Variants in SLC25A21 observed in about 807,000 individuals in gnomAD.
SLC25A21 encodes the protein solute carrier family 25 member 21, also known as mitochondrial 2-oxodicarboxylate carrier.
A neutral mutation model predicts 43.8 loss-of-function variants in SLC25A21; 47 were observed. That is an observed-to-expected ratio of 1.07 (90% CI 0.85 to 1.37). The LOEUF is 1.37. Among genes scored for constraint, SLC25A21 ranks in the 40% most tolerant of loss-of-function variants. The pLI is 0.00. For missense variants in SLC25A21, 352 were observed against 350.2 expected, an observed-to-expected ratio of 1.00 and a Z score of -0.04; for synonymous variants, 131 against 121.3, an observed-to-expected ratio of 1.08 and a Z score of -0.52.
At chr14:36,739,572 G>A (rs1019352993) in intron 3 of SLC25A21, among the ~76,000 whole-genome samples, 3 of 152,032 alleles carry the variant, frequency 2.0e-5, no homozygotes, top group African/African-American at 4.8e-5. Flanking sequence ...CAGCTACTCG[G>A]GAGGCTGAAG....
intron 1 of SLC25A21, among the ~76,000 whole-genome samples, chr14:36,927,085 G>A (rs986837804): frequency 8.5e-4 from 130 of 152,238 alleles, no homozygotes; most frequent in African/African-American, 2.9e-3. Context: ...CACAAGAGTC[G>A]CTTGAACCTG....
At chr14:36,736,296 C>A (rs957103585) in intron 3 of SLC25A21, among the ~76,000 whole-genome samples, 3 of 152,130 alleles carry the variant, frequency 2.0e-5, no homozygotes, top group Non-Finnish European at 4.4e-5. Context: ...AAAGCAGATA[C>A]ATGATTTGGA....
intron 1 of SLC25A21, among the ~76,000 whole-genome samples, chr14:36,899,654 T>C (rs949106071): frequency 6.6e-6 from 1 of 152,162 alleles, no homozygotes; most frequent in Non-Finnish European, 1.5e-5. Context: ...AGATTTAAAC[T>C]CACTGTGGAA....
chr14:37,118,205 C>T (rs1963141118), intron 1 of SLC25A21, among the ~76,000 whole-genome samples: 1 of 152,132 alleles, frequency 6.6e-6, no homozygotes, highest in Non-Finnish European at 1.5e-5. Flanking sequence ...ATTGTTAGAA[C>T]CTAAGAATGG....
At chr14:36,745,800 A>G (rs1256574855) in intron 3 of SLC25A21, among the ~76,000 whole-genome samples, 1 of 152,066 alleles carries the variant, frequency 6.6e-6, no homozygotes, top group Non-Finnish European at 1.5e-5. Flanking sequence ...AAGTTGCACG[A>G]ATAGGCATTT....
chr14:36,715,840 T>A (rs538995418), intron 6 of SLC25A21, among the ~76,000 whole-genome samples: 4 of 152,322 alleles, frequency 2.6e-5, no homozygotes, highest in African/African-American at 9.6e-5. Flanking sequence ...ATACCTGTAA[T>A]TCCAGCACTT....
At chr14:36,896,124 A>G (rs28883672) in intron 1 of SLC25A21, among the ~76,000 whole-genome samples, 2,467 of 152,192 alleles carry the variant, frequency 0.016, 70 homozygotes, top group African/African-American at 0.056. Flanking sequence ...TGATCTGTCT[A>G]ATGTTGACAG....
At chr14:37,171,492 G>A (rs559195153) in intron 1 of SLC25A21, among the ~76,000 whole-genome samples, 59 of 151,980 alleles carry the variant, frequency 3.9e-4, no homozygotes, top group East Asian at 2.1e-3. Flanking sequence ...AGCCAATTAT[G>A]GCAATTATTT....
At chr14:37,165,153 G>C (rs1260318916) in intron 1 of SLC25A21, among the ~76,000 whole-genome samples, 1 of 152,190 alleles carries the variant, frequency 6.6e-6, no homozygotes, top group Non-Finnish European at 1.5e-5. Flanking sequence ...GTGGCGGGCG[G>C]ATCACTTGAG....
intron 1 of SLC25A21, among the ~76,000 whole-genome samples, chr14:37,169,250 G>C (rs1594356732): frequency 6.6e-6 from 1 of 152,004 alleles, no homozygotes; most frequent in Non-Finnish European, 1.5e-5. Context: ...GACTGCATTT[G>C]GGCCTGCTTA....
intron 2 of SLC25A21, among the ~76,000 whole-genome samples, chr14:36,826,356 C>T (rs1448053621): frequency 6.6e-6 from 1 of 152,128 alleles, no homozygotes; most frequent in African/African-American, 2.4e-5. Context: ...CTAATTGCCT[C>T]ACATTACTTT....
At chr14:36,845,511 A>T (rs1476676185) in intron 2 of SLC25A21, among the ~76,000 whole-genome samples, 3 of 152,268 alleles carry the variant, frequency 2.0e-5, no homozygotes, top group Admixed American at 2.0e-4. Context: ...AAAAGTTCTT[A>T]CTTACACACA....
At chr14:36,729,274 C>T (rs956748689) in intron 5 of SLC25A21, among the ~76,000 whole-genome samples, 2 of 152,142 alleles carry the variant, frequency 1.3e-5, no homozygotes, top group East Asian at 3.8e-4. Context: ...TTGACCATAT[C>T]TCATATGGGG....
chr14:36,803,579 C>A (rs1038426295), intron 3 of SLC25A21, among the ~76,000 whole-genome samples: 3 of 152,034 alleles, frequency 2.0e-5, no homozygotes, highest in African/African-American at 4.8e-5. Context: ...TAAGAGTTTC[C>A]AAAATGTATC....
chr14:36,780,760 G>A (rs1436018626), intron 3 of SLC25A21, among the ~76,000 whole-genome samples: 1 of 152,016 alleles, frequency 6.6e-6, no homozygotes, highest in Non-Finnish European at 1.5e-5. Flanking sequence ...TCTATCTGGA[G>A]AATGTTTTGT....
intron 1 of SLC25A21, among the ~76,000 whole-genome samples, chr14:37,066,759 G>A (rs574430203): frequency 2.6e-5 from 4 of 151,928 alleles, no homozygotes; most frequent in African/African-American, 7.3e-5. Flanking sequence ...TACACATGGA[G>A]AGAGAGAGAA....
intron 1 of SLC25A21, among the ~76,000 whole-genome samples, chr14:37,065,967 C>T (rs1023049360): frequency 1.4e-4 from 21 of 152,242 alleles, no homozygotes; most frequent in African/African-American, 5.1e-4. Context: ...AGGCAAGGAT[C>T]ATCAGTGAAT....
At chr14:36,694,483 G>A (rs1231464721) in intron 7 of SLC25A21, among the ~76,000 whole-genome samples, 3 of 151,958 alleles carry the variant, frequency 2.0e-5, no homozygotes, top group Non-Finnish European at 4.4e-5. Flanking sequence ...TTGAGGAATC[G>A]CCACTGTCTT....
intron 7 of SLC25A21, among the ~76,000 whole-genome samples, chr14:36,688,803 T>C (rs149586968): frequency 6.6e-6 from 1 of 152,386 alleles, no homozygotes; most frequent in East Asian, 1.9e-4. Flanking sequence ...CTGTTAATCT[T>C]CACAACTTTT....
Sources: allele counts gnomAD v4.1 joint callset (sites outside exome capture counted in the v4.1 genomes callset), GRCh38; gene constraint gnomAD v4.1.1; transcripts MANE v1.5; gene names NCBI Gene and HGNC (gene_info 2026-07-23, HGNC 2026-07-21).